TSHR: variants seen among roughly 807,000 people sequenced by gnomAD.
TSHR encodes the protein thyrotropin receptor.
A neutral mutation model predicts 64.1 loss-of-function variants in TSHR; 51 were observed. The ratio of observed to expected loss-of-function variants is 0.80; its 90% CI spans 0.64 to 1.01. The LOEUF (loss-of-function observed/expected upper bound fraction) is 1.01, where lower values mean the gene tolerates loss of function less well. Ranked by LOEUF, TSHR falls within the 50% of genes least tolerant of loss-of-function variation. The pLI, the probability that TSHR is intolerant of heterozygous loss-of-function variation, is 0.00. For synonymous variants in TSHR, 361 were observed against 361.9 expected (o/e 1.00, Z 0.03); for missense variants, 877 against 942.8 (o/e 0.93, Z 0.91).
chr14:81,074,561 G>T (rs1457089943), intron 3 of TSHR, among the ~76,000 whole-genome samples: 1 of 152,124 alleles, frequency 6.6e-6, no homozygotes, highest in Admixed American at 6.5e-5. Context: ...TCAACCAAAC[G>T]TTCCTGGGAT....
chr14:81,095,445 C>A (rs1349541616), intron 6 of TSHR: 1 of 152,320 alleles, frequency 6.6e-6, no homozygotes, highest in Non-Finnish European at 1.5e-5. Context: ...TGGTGGCAGG[C>A]GCCTGTAATC....
intron 8 of TSHR, among the ~76,000 whole-genome samples, chr14:81,113,287 G>C (rs1040628681): frequency 2.0e-5 from 3 of 152,222 alleles, no homozygotes; most frequent in Admixed American, 6.5e-5. Context: ...CAGATGATGA[G>C]AGAAACGAAG....
intron 1 of TSHR, among the ~76,000 whole-genome samples, chr14:80,960,287 A>T (rs1322497514): frequency 1.3e-5 from 2 of 152,244 alleles, no homozygotes; most frequent in Non-Finnish European, 2.9e-5. Context: ...TGTTTTGTAT[A>T]TTTCACAATG....
chr14:80,985,327 G>A (rs1482428281), intron 1 of TSHR, among the ~76,000 whole-genome samples: 1 of 152,246 alleles, frequency 6.6e-6, no homozygotes, highest in South Asian at 2.1e-4. Context: ...TTTATCATTT[G>A]TGATTTATTC....
chr14:81,094,679 ATTTTTTT>A (rs1162262371), intron 6 of TSHR, among the ~76,000 whole-genome samples: 20 of 76,262 alleles, frequency 2.6e-4, no homozygotes, highest in African/African-American at 1.1e-3. Context: ...TATTTTTTTA[ATTTTTTT>A]TTTTTTTTTT....
chr14:81,074,866 A>G (rs1421339498), intron 3 of TSHR, among the ~76,000 whole-genome samples: 1 of 152,176 alleles, frequency 6.6e-6, no homozygotes, highest in Non-Finnish European at 1.5e-5. Flanking sequence ...TACCATTGCC[A>G]CTTCTAATTA....
At chr14:81,008,365 A>G (rs548296254) in intron 1 of TSHR, among the ~76,000 whole-genome samples, 17 of 151,736 alleles carry the variant, frequency 1.1e-4, no homozygotes, top group East Asian at 1.9e-4. Flanking sequence ...GTAGAGACGG[A>G]GTTTCACCTT....
intron 1 of TSHR, among the ~76,000 whole-genome samples, chr14:80,996,691 AT>A: frequency 6.6e-6 from 1 of 152,252 alleles, no homozygotes; most frequent in Middle Eastern, 3.4e-3. Flanking sequence ...ATTACTTGGA[AT>A]TCCTATAGTA....
intron 3 of TSHR, among the ~76,000 whole-genome samples, chr14:81,075,453 A>G (rs1023875925): frequency 2.6e-5 from 4 of 152,196 alleles, no homozygotes; most frequent in Non-Finnish European, 4.4e-5. Flanking sequence ...CAATAAATAC[A>G]GTATGTTTAA....
intron 8 of TSHR, among the ~76,000 whole-genome samples, chr14:81,115,969 C>A (rs1475260496): frequency 6.6e-6 from 1 of 152,072 alleles, no homozygotes; most frequent in South Asian, 2.1e-4. Context: ...GCTTTACAGA[C>A]AAGCAAATGC....
intron 1 of TSHR, among the ~76,000 whole-genome samples, chr14:81,055,069 A>C (rs1456492133): frequency 6.6e-6 from 1 of 152,128 alleles, no homozygotes; most frequent in Non-Finnish European, 1.5e-5. Flanking sequence ...GGCTGGGCCT[A>C]GGTTCCCTCT....
At chr14:81,046,551 T>C (rs1001464424) in intron 1 of TSHR, among the ~76,000 whole-genome samples, 1 of 151,476 alleles carries the variant, frequency 6.6e-6, no homozygotes. Flanking sequence ...ATTACCCATA[T>C]GACAATATCA....
At position 81,062,105 on chromosome 14, in the gene TSHR, C is replaced by T. The variant is rs757574052; in HGVS notation, c.171-43C>T. ...TAATTAAGGTGAATTATTAGAAAAG[C>T]CCAATGATTAAAACTCTAATTATGT... On this transcript the variant is annotated intron_variant, in intron 1 of 9. Transcript: ENST00000298171. 30 of 1,491,800 alleles carry T rather than the reference C, an allele frequency of 2.0e-5. No individual in the cohort carries two copies. The Admixed American group carries it at 4.3e-4, about 21-fold the overall frequency. 92.4% of individuals were successfully genotyped at this position (1,491,800 alleles called of 1,614,324 possible).
chr14:80,957,845 T>A (rs1268160366), intron 1 of TSHR: 1 of 152,202 alleles, frequency 6.6e-6, no homozygotes, highest in Non-Finnish European at 1.5e-5. Flanking sequence ...TTCTAGGTGA[T>A]GACATGATGC....
chr14:81,074,250 T>C (rs1170972530), intron 3 of TSHR, among the ~76,000 whole-genome samples: 1 of 152,214 alleles, frequency 6.6e-6, no homozygotes, highest in Non-Finnish European at 1.5e-5. Flanking sequence ...ATAATGCACC[T>C]TGTATTCTTC....
intron 9 of TSHR, among the ~76,000 whole-genome samples, chr14:81,141,580 G>C (rs562428541): frequency 6.6e-6 from 1 of 152,154 alleles, no homozygotes; most frequent in Non-Finnish European, 1.5e-5. Context: ...ATTCCCTCTT[G>C]TATTTTGCTT....
At chr14:81,067,927 CTA>C (rs10528934) in intron 2 of TSHR, among the ~76,000 whole-genome samples, 2,563 of 95,760 alleles carry the variant, frequency 0.027, 123 homozygotes, top group Middle Eastern at 0.063. Context: ...CAGGGTGACA[CTA>C]TATATATATA....
At chr14:80,976,997 G>T (rs1887914798) in intron 1 of TSHR, among the ~76,000 whole-genome samples, 1 of 152,222 alleles carries the variant, frequency 6.6e-6, no homozygotes, top group Admixed American at 6.5e-5. Flanking sequence ...CCTACAAATT[G>T]GCATTCCGGT....
chr14:81,108,758 T>C, intron 8 of TSHR: 1 of 1,607,868 alleles, frequency 6.2e-7, no homozygotes, highest in South Asian at 1.1e-5. Flanking sequence ...TTGAAAAATT[T>C]TGAAATGCAA....
Sources: allele counts gnomAD v4.1 joint callset (sites outside exome capture counted in the v4.1 genomes callset), GRCh38; gene constraint gnomAD v4.1.1; transcripts MANE v1.5; gene names NCBI Gene and HGNC (gene_info 2026-07-23, HGNC 2026-07-21).